The following FRY variants were observed in gnomAD, a reference collection of about 807,000 sequenced individuals.
FRY encodes protein furry homolog.
Under a neutral mutation model 348.4 loss-of-function variants are expected in FRY, and 128 were observed. The observed-to-expected ratio is 0.37, with a 90% CI of 0.32 to 0.43. The LOEUF is 0.43. Among genes scored for constraint, FRY ranks in the 20% least tolerant of loss-of-function variants. The pLI is 1.00. For synonymous variants in FRY, 1,370 were observed against 1,374.7 expected, an observed-to-expected ratio of 1.00 and a Z score of 0.08; for missense variants, 2,736 against 3,695.2, an observed-to-expected ratio of 0.74 and a Z score of 6.73.
intron 55 of FRY, among the ~76,000 whole-genome samples, chr13:32,271,988 G>A (rs1356821360): frequency 6.6e-6 from 1 of 152,080 alleles, no homozygotes; most frequent in Admixed American, 6.6e-5. Flanking sequence ...ACCCTATGGA[G>A]CTTATCTGCA....
At chr13:32,276,661 C>G in intron 57 of FRY, 99 bp downstream of exon 57, 2 of 760,846 alleles carry the variant, frequency 2.6e-6, no homozygotes, top group Non-Finnish European at 4.9e-6. Flanking sequence ...TTAAGACTTT[C>G]AGACTTCATC....
chr13:32,185,861 G>A lies in FRY; in HGVS notation c.3320-399G>A, dbSNP rs547761797. ...TTCAGTTTACCTCTTCAGTTAAAGC[G>A]AAGTACCTATGTGAGTTTGAAATAG... is the stretch of plus-strand genomic sequence containing the variant. On this transcript the variant is annotated intron_variant, in intron 26 of 60. Transcript: ENST00000542859. Among the ~76,000 whole-genome samples, 35 of 152,228 alleles carry A rather than the reference G, an allele frequency of 2.3e-4. No homozygotes were observed. In the South Asian group the frequency reaches 6.0e-3, roughly 26 times the overall value.
At chr13:32,083,340 TA>T (rs1290463239) in intron 2 of FRY, among the ~76,000 whole-genome samples, 3 of 152,210 alleles carry the variant, frequency 2.0e-5, no homozygotes, top group Non-Finnish European at 4.4e-5. Context: ...GTTTCTTTTT[TA>T]AGATTACAAC....
chr13:32,230,318 G>A (rs575671579), intron 40 of FRY, among the ~76,000 whole-genome samples: 8 of 152,308 alleles, frequency 5.3e-5, no homozygotes, highest in African/African-American at 1.7e-4. Flanking sequence ...AGAACATGCG[G>A]TATTTGGTTG....
At chr13:32,170,774 C>T (rs946391505) in intron 17 of FRY, among the ~76,000 whole-genome samples, 3 of 152,102 alleles carry the variant, frequency 2.0e-5, no homozygotes, top group Non-Finnish European at 4.4e-5. Flanking sequence ...TGAACTCGGG[C>T]AATCCACCTG....
chr13:32,264,604 T>G (rs943283175), intron 53 of FRY, among the ~76,000 whole-genome samples: 2 of 152,160 alleles, frequency 1.3e-5, no homozygotes, highest in Non-Finnish European at 2.9e-5. Flanking sequence ...GTCCTCCTTT[T>G]CCCCCTGGCC....
Position 32,224,946 on chromosome 13 carries a change from G to A in FRY, c.4930G>A (p.Val1644Ile). 6.2e-7 allele frequency: 1 copy of A among 1,602,990 alleles called. No individual in the cohort carries two copies. The highest frequency in any genetic ancestry group is 1.7e-4 in the Middle Eastern group (1 of 6,050). ...RGPLHRCNIA[V>I]IFMTEMVVDH... ...TTCATTGATTAGGTGCAATATTGCT[G>A]TAATTTTTATGACTGAAATGGTGGT... Residue 1644 changes from valine to isoleucine, a missense_variant, in exon 38 of 61, where the codon GTA becomes ATA. Val to Ile is a conservative substitution (Grantham distance 29, BLOSUM62 3). Transcript: ENST00000542859.
intron 34 of FRY, among the ~76,000 whole-genome samples, chr13:32,211,618 C>T (rs190148226): frequency 6.6e-6 from 1 of 152,338 alleles, no homozygotes; most frequent in Non-Finnish European, 1.5e-5. Context: ...AATCTCATTT[C>T]TGGATCCCCC....
intron 2 of FRY, among the ~76,000 whole-genome samples, chr13:32,099,072 G>A (rs1184930450): frequency 6.6e-6 from 1 of 151,826 alleles, no homozygotes; most frequent in Non-Finnish European, 1.5e-5. Context: ...TGGAGGAGAG[G>A]ATTGGAGAAA....
In FRY at chr13:32,182,482, G is replaced by GCA. The variant is rs1175060854; in HGVS notation, c.2997-492_2997-491dup. Among the ~76,000 whole-genome samples the GCA allele has an allele frequency of 5.9e-5, 9 of 152,268 alleles. No homozygotes were observed. The South Asian group carries it at 6.2e-4, about 11-fold the overall frequency. On this transcript the variant is annotated intron_variant, in intron 23 of 60. Transcript: ENST00000542859. ...AGTCAACTGTAAGTCAGTTTGCGGA[G>GCA]CACAGATCCCAAATGCAGCACTGTG...
intron 11 of FRY, among the ~76,000 whole-genome samples, chr13:32,144,374 T>C (rs751706825): frequency 7.1e-4 from 106 of 148,764 alleles, no homozygotes; most frequent in Non-Finnish European, 1.2e-3. Flanking sequence ...CAATGGACTA[T>C]ATGAAGTAGG....
Position 32,123,059 on chromosome 13 carries a change from A to G in FRY, c.465-1227A>G, listed in dbSNP as rs185076867. ...TCACAGACAACACAAACAAATGGAA[A>G]CATATCCCATGCTCAAGGATAGGTA... On this transcript the variant is annotated intron_variant, in intron 4 of 60. Transcript: ENST00000542859. 2.0e-5 allele frequency among the ~76,000 whole-genome samples: 3 copies of G among 152,340 alleles called. No individual in the cohort carries two copies. In the East Asian group the frequency reaches 5.8e-4, roughly 29 times the overall value.
chr13:32,294,522 T>G lies in FRY; in HGVS notation c.8735T>G (p.Leu2912Arg), dbSNP rs780871093. 1 of 1,614,110 alleles carries G rather than the reference T, an allele frequency of 6.2e-7. No individual in the cohort carries two copies. The highest frequency in any genetic ancestry group is 8.5e-7 in the Non-Finnish European group (1 of 1,179,978). Residue 2912 changes from leucine to arginine, a missense_variant, in exon 60 of 61, where the codon CTG becomes CGG. By Grantham distance (102) the Leu-to-Arg change is moderately radical. Transcript: ENST00000542859. ...GCCATCCAGTCCATGCTGGAGTGCC[T>G]GAAGAACAACGAACTCGGCAAAGCT... is the stretch of plus-strand genomic sequence containing the variant. ...EAAIQSMLEC[L>R]KNNELGKALR...
chr13:32,201,588 T>C (rs1884032938), intron 29 of FRY, among the ~76,000 whole-genome samples: 1 of 150,822 alleles, frequency 6.6e-6, no homozygotes, highest in Non-Finnish European at 1.5e-5. Context: ...AGTACATGTA[T>C]CCTTTTCTGT....
At chr13:32,205,404 A>G (rs748861993) in intron 31 of FRY, among the ~76,000 whole-genome samples, 21 of 152,206 alleles carry the variant, frequency 1.4e-4, no homozygotes, top group Non-Finnish European at 2.9e-4. Flanking sequence ...AGAAATTTGC[A>G]TAGCAGACAA....
intron 36 of FRY, among the ~76,000 whole-genome samples, chr13:32,219,594 T>TA (rs1455387166): frequency 2.0e-5 from 3 of 150,370 alleles, no homozygotes; most frequent in Admixed American, 2.0e-4. Flanking sequence ...CCATCTCTAC[T>TA]AAAAAATACA....
Position 32,237,502 on chromosome 13 carries a change from T to C in FRY, c.5934T>C (p.His1978=), listed in dbSNP as rs1171508181. Residue 1978 remains histidine, a synonymous_variant, in exon 44 of 61, where the codon CAT becomes CAC. Transcript: ENST00000542859. The surrounding 1 kb of genome is among the most constrained non-coding windows in gnomAD (Gnocchi z 6.3). Reference sequence around the variant, plus strand: ...CCGCAACTGCCGAACGGAGCCGGCATCAACGAAGCTTCTCTGTGCCCAAGA... The same window carrying C: ...CCGCAACTGCCGAACGGAGCCGGCACCAACGAAGCTTCTCTGTGCCCAAGA... ...GNTATAERSR[H]QRSFSVPKKF... 2 of 1,613,998 alleles carry C rather than the reference T, an allele frequency of 1.2e-6. No homozygotes were observed. The highest frequency in any genetic ancestry group is 2.7e-5 in the African/African-American group (2 of 74,908).
intron 18 of FRY, among the ~76,000 whole-genome samples, 189 bp downstream of exon 18, chr13:32,171,459 C>T (rs1478502298): frequency 1.3e-5 from 2 of 151,502 alleles, no homozygotes; most frequent in African/African-American, 4.9e-5. Context: ...TACAGGTGCA[C>T]AACATCACAC....
chr13:32,111,174 A>T (rs1025373963), intron 3 of FRY, among the ~76,000 whole-genome samples: 2 of 152,154 alleles, frequency 1.3e-5, no homozygotes, highest in South Asian at 2.1e-4. Context: ...CAAGGACAGA[A>T]ATCAGATTTC....
Sources: allele counts gnomAD v4.1 joint callset (sites outside exome capture counted in the v4.1 genomes callset), GRCh38; gene constraint gnomAD v4.1.1; non-coding constraint Gnocchi (gnomAD v3.1); transcripts MANE v1.5; gene names NCBI Gene and HGNC (gene_info 2026-07-23, HGNC 2026-07-21).